The following C1QTNF9 variants were observed in gnomAD, a reference collection of about 807,000 sequenced individuals.
C1QTNF9 encodes C1q and TNF related 9, also known as complement C1q and tumor necrosis factor-related protein 9A.
In C1QTNF9, 6 loss-of-function variants were observed where a neutral mutation model predicts 10.1. That is an observed-to-expected ratio of 0.59 (90% CI 0.32 to 1.17). C1QTNF9 has a LOEUF of 1.17. C1QTNF9 is among the 50% of genes most tolerant of loss of function. The pLI, the probability that C1QTNF9 is intolerant of heterozygous loss-of-function variation, is 0.04. For synonymous variants in C1QTNF9, 98 were observed against 163.5 expected (o/e 0.60, Z 3.06); for missense variants, 201 against 418.8 (o/e 0.48, Z 4.54).
intron 1 of C1QTNF9, among the ~76,000 whole-genome samples, chr13:24,310,756 C>T (rs1306258834): frequency 4.6e-5 from 7 of 151,268 alleles, no homozygotes; most frequent in African/African-American, 1.7e-4. Flanking sequence ...TACTAAAAAA[C>T]AAAAAATTAG....
At chr13:24,320,804 G>A in intron 3 of C1QTNF9, among the ~76,000 whole-genome samples, 192 bp from the exon 4 acceptor site, 1 of 151,640 alleles carries the variant, frequency 6.6e-6, no homozygotes, top group Non-Finnish European at 1.5e-5. Context: ...TCCTGCCGCG[G>A]TCTCCCAAGG....
intron 3 of C1QTNF9, among the ~76,000 whole-genome samples, chr13:24,320,533 C>T (rs1432295957): frequency 6.6e-6 from 1 of 152,000 alleles, no homozygotes; most frequent in Non-Finnish European, 1.5e-5. Flanking sequence ...TACAGTTGTG[C>T]ACCACCGCGC....
At chr13:24,309,824 ATTC>A (rs1236006345) in intron 1 of C1QTNF9, among the ~76,000 whole-genome samples, 1 of 152,196 alleles carries the variant, frequency 6.6e-6, no homozygotes, top group African/African-American at 2.4e-5. Flanking sequence ...AGATTTTGAA[ATTC>A]TTCTGCTGGA....
chr13:24,315,236 C>G (rs1486598756), intron 1 of C1QTNF9, among the ~76,000 whole-genome samples: 1 of 152,178 alleles, frequency 6.6e-6, no homozygotes, highest in South Asian at 2.1e-4. Context: ...CTGGCAACCT[C>G]CATCCTACTT....
intron 2 of C1QTNF9, among the ~76,000 whole-genome samples, chr13:24,318,144 T>C (rs1878110561): frequency 6.6e-6 from 1 of 152,094 alleles, no homozygotes; most frequent in African/African-American, 2.4e-5. Context: ...TCTACTGCCA[T>C]AGCCAGAGCC....
chr13:24,321,900 T>A (rs1593538494), exon 4 of C1QTNF9: 1 of 1,256,732 alleles, frequency 8.0e-7, no homozygotes, highest in Non-Finnish European at 1.1e-6. Context: ...GGAAAAGTTA[T>A]TCCCAAAACT....
intron 3 of C1QTNF9, among the ~76,000 whole-genome samples, chr13:24,319,877 G>C (rs913016241): frequency 5.3e-5 from 8 of 152,176 alleles, no homozygotes; most frequent in African/African-American, 1.9e-4. Context: ...TATTACCCTA[G>C]TTCCATATGT....
At chr13:24,310,911 CAAAA>C (rs58299891) in intron 1 of C1QTNF9, among the ~76,000 whole-genome samples, 23,948 of 81,496 alleles carry the variant, frequency 0.29, 2,305 homozygotes, top group Admixed American at 0.36. Context: ...GGCTCTGTCT[CAAAA>C]AAAAAAAAAA....
chr13:24,316,156 C>T, exon 2 of C1QTNF9: 3 of 1,603,858 alleles, frequency 1.9e-6, no homozygotes, highest in Non-Finnish European at 2.6e-6. Context: ...CGAAGGGTGA[C>T]AAAGGCGATG....
intron 3 of C1QTNF9, among the ~76,000 whole-genome samples, chr13:24,319,434 G>C (rs1176281086): frequency 6.6e-6 from 1 of 152,144 alleles, no homozygotes; most frequent in African/African-American, 2.4e-5. Context: ...AGCTACCCAG[G>C]AGGCTGAGGT....
intron 2 of C1QTNF9, among the ~76,000 whole-genome samples, chr13:24,316,915 G>A (rs1878061255): frequency 1.3e-5 from 2 of 152,206 alleles, no homozygotes; most frequent in African/African-American, 4.8e-5. Context: ...ATCCATCTGG[G>A]TTAAGGGCAC....
intron 3 of C1QTNF9, 104 bp from the exon 4 acceptor site, chr13:24,320,892 T>C (rs1302864217): frequency 8.1e-7 from 1 of 1,228,392 alleles, no homozygotes; most frequent in African/African-American, 1.5e-5. Flanking sequence ...ACTGAACCTG[T>C]GCACTACTTT....
At chr13:24,308,622 C>T (rs1470258734), upstream of C1QTNF9, among the ~76,000 whole-genome samples, 1 of 152,234 alleles carries the variant, frequency 6.6e-6, no homozygotes. Flanking sequence ...GAGCCCCGCA[C>T]CCACCCGTAC....
intron 1 of C1QTNF9, among the ~76,000 whole-genome samples, chr13:24,309,887 A>G (rs1414193590): frequency 6.6e-6 from 1 of 152,118 alleles, no homozygotes; most frequent in Non-Finnish European, 1.5e-5. Flanking sequence ...ATAAGTCATA[A>G]GAATAGTGGG....
chr13:24,312,159 A>T (rs1877850825), intron 1 of C1QTNF9, among the ~76,000 whole-genome samples: 1 of 152,254 alleles, frequency 6.6e-6, no homozygotes, highest in Admixed American at 6.5e-5. Flanking sequence ...TTCCCAAGTG[A>T]TGGTCCACAC....
upstream of C1QTNF9, among the ~76,000 whole-genome samples, chr13:24,307,539 G>A (rs576074435): frequency 3.3e-4 from 51 of 152,386 alleles, no homozygotes; most frequent in African/African-American, 1.2e-3. Context: ...GCTGTAATCA[G>A]AAAAGGATTC....
chr13:24,316,198 TC>T (rs770595551), intron 2 of C1QTNF9, 29 bp downstream of exon 2: 33 of 1,509,260 alleles, frequency 2.2e-5, no homozygotes, highest in Non-Finnish European at 9.1e-7. Flanking sequence ...CGGCTGCCTT[TC>T]AACTTCTCTC....
chr13:24,310,701 C>A (rs1341678773), intron 1 of C1QTNF9, among the ~76,000 whole-genome samples: 1 of 151,142 alleles, frequency 6.6e-6, no homozygotes, highest in Admixed American at 6.6e-5. Flanking sequence ...ATCATGAGGT[C>A]AGGAGATCAA....
chr13:24,316,216 C>A (rs28661531), intron 2 of C1QTNF9, 47 bp downstream of exon 2: 115,177 of 1,398,028 alleles, frequency 0.082, 12,503 homozygotes, highest in East Asian at 0.21. Context: ...TCTCTTCATT[C>A]CTTTCATCTC....
Sources: allele counts gnomAD v4.1 joint callset (sites outside exome capture counted in the v4.1 genomes callset), GRCh38; gene constraint gnomAD v4.1.1; transcripts MANE v1.5; gene names NCBI Gene and HGNC (gene_info 2026-07-23, HGNC 2026-07-21).